Variants in KLHDC1 observed in about 807,000 individuals in gnomAD.
The protein encoded by KLHDC1 is kelch domain containing 1.
Under a neutral mutation model 68.3 loss-of-function variants are expected in KLHDC1, and 53 were observed. The ratio of observed to expected loss-of-function variants is 0.78; its 90% CI spans 0.62 to 0.98. The LOEUF (loss-of-function observed/expected upper bound fraction) is 0.98, where lower values mean the gene tolerates loss of function less well. Among genes scored for constraint, KLHDC1 ranks in the 50% least tolerant of loss-of-function variants. KLHDC1 has a pLI of 0.00. For synonymous variants in KLHDC1, 148 were observed against 159.0 expected (o/e 0.93, Z 0.52); for missense variants, 470 against 492.3 (o/e 0.95, Z 0.43).
Position 49,748,562 on chromosome 14 carries a change from G to A in KLHDC1, c.1035-3024G>A, listed in dbSNP as rs192500594. 4.6e-5 allele frequency among the ~76,000 whole-genome samples: 7 copies of A among 151,948 alleles called. No individual in the cohort carries two copies. The East Asian group carries it at 9.7e-4, about 21-fold the overall frequency. ...GGCTTATATCGTCTAGTAGATTTGT[G>A]GGATCATGTTCATCTTACCTTTGGA... is the stretch of plus-strand genomic sequence containing the variant. On this transcript the variant is annotated intron_variant, in intron 12 of 12. Transcript: ENST00000359332.
At chr14:49,715,752 A>AT (rs1162517915) in intron 4 of KLHDC1, among the ~76,000 whole-genome samples, 5 of 139,770 alleles carry the variant, frequency 3.6e-5, no homozygotes, top group South Asian at 2.2e-4. Flanking sequence ...AAAAAAAAAA[A>AT]AAAAAAAAAA....
chr14:49,721,252 C>T (rs1020211445), intron 4 of KLHDC1, among the ~76,000 whole-genome samples: 45 of 152,252 alleles, frequency 3.0e-4, no homozygotes, highest in African/African-American at 1.0e-3. Flanking sequence ...TAACTCAGTA[C>T]AACCTTGAAC....
At chr14:49,699,492 C>T (rs990579586) in intron 1 of KLHDC1, among the ~76,000 whole-genome samples, 1 of 151,586 alleles carries the variant, frequency 6.6e-6, no homozygotes, top group Non-Finnish European at 1.5e-5. Context: ...TATCTTATTC[C>T]GATCGTTCTA....
At chr14:49,693,596 A>G (rs1248669597) in intron 1 of KLHDC1, among the ~76,000 whole-genome samples, 3 of 151,786 alleles carry the variant, frequency 2.0e-5, no homozygotes, top group South Asian at 4.2e-4. Flanking sequence ...CAGCGCGATT[A>G]ATTATTATCC....
In KLHDC1 at chr14:49,747,005, TAC is replaced by T. The variant is rs1889214347; in HGVS notation, c.1034+3201_1034+3202del. On this transcript the variant is annotated intron_variant, in intron 12 of 12. Transcript: ENST00000359332. ...CATTCTCACCCAGGCTGGAGTGCAG[TAC>T]GCGATCTCAGCTCACTGCAAGCTCC... is the stretch of plus-strand genomic sequence containing the variant. 2.6e-5 allele frequency among the ~76,000 whole-genome samples: 4 copies of T among 151,166 alleles called. No homozygotes were observed. In the South Asian group the frequency reaches 8.4e-4, roughly 32 times the overall value.
intron 3 of KLHDC1, among the ~76,000 whole-genome samples, 158 bp from the exon 4 acceptor site, chr14:49,710,105 A>G (rs1186184820): frequency 2.0e-5 from 3 of 152,128 alleles, no homozygotes; most frequent in African/African-American, 7.2e-5. Context: ...TACTCCTAAA[A>G]CAGTCTCATT....
chr14:49,718,489 C>T (rs1030851684), intron 4 of KLHDC1, among the ~76,000 whole-genome samples: 8 of 152,110 alleles, frequency 5.3e-5, no homozygotes, highest in Admixed American at 6.6e-5. Flanking sequence ...CCATGTTGGC[C>T]AGGCTGGTCT....
intron 1 of KLHDC1, among the ~76,000 whole-genome samples, chr14:49,705,596 C>A (rs1888030953): frequency 6.6e-6 from 1 of 151,832 alleles, no homozygotes; most frequent in Non-Finnish European, 1.5e-5. Flanking sequence ...CTCTCGAACT[C>A]CTGACCTTGT....
intron 1 of KLHDC1, among the ~76,000 whole-genome samples, chr14:49,707,335 ATT>A (rs1478271521): frequency 3.8e-5 from 4 of 104,796 alleles, no homozygotes; most frequent in African/African-American, 1.5e-4. Flanking sequence ...TAGACAAGAT[ATT>A]CTTTTTTTTT....
intron 2 of KLHDC1, among the ~76,000 whole-genome samples, 198 bp from the exon 3 acceptor site, chr14:49,709,511 G>A (rs1402637775): frequency 6.7e-6 from 1 of 149,934 alleles, no homozygotes; most frequent in Non-Finnish European, 1.5e-5. Context: ...AAATTTTTGT[G>A]ATTTTTTTTT....
intron 1 of KLHDC1, among the ~76,000 whole-genome samples, chr14:49,702,860 A>G (rs536695002): frequency 5.1e-4 from 78 of 152,312 alleles, no homozygotes; most frequent in African/African-American, 1.8e-3. Context: ...GAAGATTCTT[A>G]GCCTGCAATA....
Position 49,723,707 on chromosome 14 carries a change from CTT to C in KLHDC1, c.405-165_405-164del, listed in dbSNP as rs571833213. Among the ~76,000 whole-genome samples, 454 of 152,190 alleles carry C rather than the reference CTT, an allele frequency of 3.0e-3. 3 individuals are homozygous for C. The highest frequency in any genetic ancestry group is 0.011 in the African/African-American group (439 of 41,530). ...CTTCTTTCCCATTGAGAGCTCATCA[CTT>C]TCTGGAATTGGTTTATTTAGGTCTC... On this transcript the variant is annotated intron_variant, in intron 4 of 12. Coordinates refer to ENST00000359332, the MANE Select transcript of KLHDC1 (RefSeq NM_172193.3).
At chr14:49,712,391 T>C (rs1888229390) in intron 4 of KLHDC1, among the ~76,000 whole-genome samples, 2 of 152,246 alleles carry the variant, frequency 1.3e-5, no homozygotes, top group Admixed American at 1.3e-4. Context: ...CATATTCATC[T>C]ACACCTTCTA....
intron 4 of KLHDC1, among the ~76,000 whole-genome samples, chr14:49,719,003 T>G (rs1555339447): frequency 6.6e-6 from 1 of 151,958 alleles, no homozygotes; most frequent in Non-Finnish European, 1.5e-5. Context: ...GGTCTCTAAC[T>G]CCTAACCTCA....
At position 49,740,334 on chromosome 14, in the gene KLHDC1, G is replaced by A. The variant is rs546708454; in HGVS notation, c.981+152G>A. ...GTTTAATTAATCTTCAGGATGACTG[G>A]CTTTTTTGTTTGTTTGTTTTTGAGA... On this transcript the variant is annotated intron_variant, in intron 11 of 12. Transcript: ENST00000359332. 7.0e-6 allele frequency: 4 copies of A among 571,826 alleles called. No homozygotes were observed. In the South Asian group the frequency reaches 8.9e-5, roughly 13 times the overall value. 35.4% of individuals were successfully genotyped at this position (571,826 alleles called of 1,614,324 possible). A position where few individuals can be genotyped will look rare whatever the true frequency, so the allele number is the denominator to read the frequency against.
intron 1 of KLHDC1, among the ~76,000 whole-genome samples, chr14:49,694,045 C>T (rs1887662099): frequency 6.6e-6 from 1 of 151,984 alleles, no homozygotes; most frequent in Admixed American, 6.6e-5. Context: ...AGCCACTGTG[C>T]CTGGCTTGCA....
rs148394095 is a variant in KLHDC1 at position 49,698,868 on chromosome 14, A to G, written c.96+5578A>G. On this transcript the variant is annotated intron_variant, in intron 1 of 12. Coordinates refer to ENST00000359332, the MANE Select transcript of KLHDC1 (RefSeq NM_172193.3). ...TTTATTCTTGAAAATTGTGTAATTG[A>G]TAAGATCATACTTCTTGACGAGCGT... 6.6e-5 allele frequency among the ~76,000 whole-genome samples: 10 copies of G among 151,814 alleles called. No individual in the cohort carries two copies. The East Asian group carries it at 1.8e-3, about 27-fold the overall frequency.
intron 8 of KLHDC1, among the ~76,000 whole-genome samples, chr14:49,730,500 A>G (rs1295158026): frequency 6.6e-6 from 1 of 151,840 alleles, no homozygotes; most frequent in Admixed American, 6.6e-5. Context: ...GATTACAGGC[A>G]TGAGCCACCG....
intron 4 of KLHDC1, among the ~76,000 whole-genome samples, chr14:49,718,959 A>G (rs1458968727): frequency 1.3e-5 from 2 of 149,552 alleles, no homozygotes; most frequent in Non-Finnish European, 3.0e-5. Flanking sequence ...TTGTATTTTT[A>G]GTAGAGACGG....
Sources: allele counts gnomAD v4.1 joint callset (sites outside exome capture counted in the v4.1 genomes callset), GRCh38; gene constraint gnomAD v4.1.1; transcripts MANE v1.5; gene names NCBI Gene and HGNC (gene_info 2026-07-23, HGNC 2026-07-21).